The following ABCC8 variants were observed in gnomAD, a reference collection of about 807,000 sequenced individuals.
ABCC8 encodes ATP-binding cassette sub-family C member 8.
A neutral mutation model predicts 188.0 loss-of-function variants in ABCC8; 137 were observed. The observed-to-expected ratio is 0.73, with a 90% confidence interval of 0.63 to 0.84. The LOEUF is 0.84. Among genes scored for constraint, ABCC8 ranks in the 40% least tolerant of loss-of-function variants. The pLI, the probability that ABCC8 is intolerant of heterozygous loss-of-function variation, is 0.00. For synonymous variants in ABCC8, 797 were observed against 846.5 expected, an observed-to-expected ratio of 0.94 and a Z score of 1.01; for missense variants, 1,750 against 2,072.7, an observed-to-expected ratio of 0.84 and a Z score of 3.02.
intron 7 of ABCC8, among the ~76,000 whole-genome samples, chr11:17,450,410 T>C (rs557167544): frequency 6.8e-6 from 1 of 146,684 alleles, no homozygotes; most frequent in African/African-American, 2.5e-5. Context: ...TTCCTTTTTT[T>C]TTTTTTCAGA....
chr11:17,452,085 A>G (rs556887638), intron 7 of ABCC8, among the ~76,000 whole-genome samples: 24 of 152,328 alleles, frequency 1.6e-4, no homozygotes, highest in African/African-American at 5.5e-4. Flanking sequence ...ACAAACTTCT[A>G]TCCCATTTAA....
intron 31 of ABCC8, 130 bp downstream of exon 31, chr11:17,397,554 C>G (rs1954005361): frequency 3.5e-6 from 5 of 1,438,620 alleles, no homozygotes; most frequent in South Asian, 1.2e-5. Flanking sequence ...CCTGCCCGCA[C>G]TGTCCCTCTG....
intron 22 of ABCC8, among the ~76,000 whole-genome samples, chr11:17,409,170 T>G (rs1284155151): frequency 6.6e-6 from 1 of 151,724 alleles, no homozygotes; most frequent in Admixed American, 6.6e-5. Flanking sequence ...TGCCCCAAGC[T>G]GGTCTCGAAC....
Position 17,405,420 on chromosome 11 carries a change from C to A in ABCC8, c.3399+74G>T. The A allele has an allele frequency of 2.5e-6, 4 of 1,606,246 alleles. No individual in the cohort carries two copies. The South Asian group carries it at 3.3e-5, about 13-fold the overall frequency. On this transcript the variant is annotated intron_variant, in intron 27 of 38. Transcript: ENST00000389817. ...TGATCACCTGATCTGGGGAACCCAG[C>A]CTCAGACAGGAGAAGCCCCCAGGGG...
intron 16 of ABCC8, among the ~76,000 whole-genome samples, chr11:17,418,685 C>A (rs553397597): frequency 6.6e-6 from 1 of 152,236 alleles, no homozygotes; most frequent in South Asian, 2.1e-4. Flanking sequence ...GCTCTCCAGG[C>A]CCTAACTCAG....
chr11:17,464,002 A>G (rs894795101), intron 3 of ABCC8, among the ~76,000 whole-genome samples: 1 of 152,154 alleles, frequency 6.6e-6, no homozygotes, highest in East Asian at 1.9e-4. Context: ...GTCACCCCCA[A>G]TTTCTCAGAC....
At chr11:17,456,685 C>G (rs986493525) in intron 6 of ABCC8, among the ~76,000 whole-genome samples, 4 of 152,190 alleles carry the variant, frequency 2.6e-5, no homozygotes, top group African/African-American at 9.7e-5. Flanking sequence ...CCTGACTCAT[C>G]ATATATTAGC....
At chr11:17,419,860 C>T (rs1473971522) in intron 16 of ABCC8, among the ~76,000 whole-genome samples, 2 of 152,172 alleles carry the variant, frequency 1.3e-5, no homozygotes, top group East Asian at 1.9e-4. Flanking sequence ...CACTCATTGG[C>T]TGTGAAATCT....
At chr11:17,407,547 T>G in intron 23 of ABCC8, 94 bp from the exon 24 acceptor site, 1 of 1,579,984 alleles carries the variant, frequency 6.3e-7, no homozygotes, top group Non-Finnish European at 8.6e-7. Context: ...TGATGACCAA[T>G]GTCAGATTTC....
intron 2 of ABCC8, among the ~76,000 whole-genome samples, chr11:17,471,584 C>T (rs1043786855): frequency 6.6e-6 from 1 of 152,238 alleles, no homozygotes; most frequent in Non-Finnish European, 1.5e-5. Context: ...ATTCCATACT[C>T]CTTTGCCAGT....
chr11:17,428,526 G>A, intron 13 of ABCC8, 39 bp downstream of exon 13: 1 of 1,612,654 alleles, frequency 6.2e-7, no homozygotes, highest in Non-Finnish European at 8.5e-7. Flanking sequence ...GGCCTTAGAG[G>A]ACCATGCTGG....
intron 10 of ABCC8, among the ~76,000 whole-genome samples, chr11:17,439,782 C>T (rs2237980): frequency 6.6e-6 from 1 of 152,064 alleles, no homozygotes. Context: ...GACTTGGACA[C>T]GTGAGGAGTC....
In ABCC8 at chr11:17,418,399, C is replaced by T. The variant is rs368899796; in HGVS notation, c.2223-1437G>A. ...TGAAGATTCTGATGGGTATGTAGTC[C>T]CCAGTCCCCTCTTTTCCTGTTCTCT... On this transcript the variant is annotated intron_variant, in intron 16 of 38. Transcript: ENST00000389817. Among the ~76,000 whole-genome samples the T allele has an allele frequency of 2.0e-5, 3 of 152,212 alleles. No homozygotes were observed. In the East Asian group the frequency reaches 5.8e-4, roughly 29 times the overall value.
At chr11:17,432,948 C>T (rs747861128) in intron 10 of ABCC8, among the ~76,000 whole-genome samples, 15 of 152,276 alleles carry the variant, frequency 9.9e-5, no homozygotes, top group South Asian at 4.1e-4. Context: ...TTACCTTCCC[C>T]GTGCCTCAGT....
chr11:17,405,637 A>C, intron 26 of ABCC8, 74 bp from the exon 27 acceptor site: 7 of 1,611,926 alleles, frequency 4.3e-6, no homozygotes, highest in Non-Finnish European at 5.9e-6. Context: ...GAGATAGTTA[A>C]TTATTTCATG....
chr11:17,434,329 A>G (rs1377512102), intron 10 of ABCC8, among the ~76,000 whole-genome samples: 1 of 152,254 alleles, frequency 6.6e-6, no homozygotes, highest in African/African-American at 2.4e-5. Flanking sequence ...AAATTGCTAC[A>G]ACGCTCTTGG....
chr11:17,435,012 T>TGTGTGC (rs1554928952), intron 10 of ABCC8, among the ~76,000 whole-genome samples: 102 of 152,026 alleles, frequency 6.7e-4, no homozygotes, highest in African/African-American at 2.3e-3. Flanking sequence ...TGTGTGTGTG[T>TGTGTGC]GTGTGTTTTG....
At chr11:17,470,292 G>C in intron 2 of ABCC8, 70 bp from the exon 3 acceptor site, 1 of 1,607,846 alleles carries the variant, frequency 6.2e-7, no homozygotes, top group Non-Finnish European at 8.5e-7. Flanking sequence ...CCCAGGCCTT[G>C]AATTTCAAAG....
intron 21 of ABCC8, 143 bp from the exon 22 acceptor site, chr11:17,410,796 A>C: frequency 1.5e-5 from 20 of 1,355,544 alleles, no homozygotes; most frequent in Non-Finnish European, 2.0e-5. Flanking sequence ...TGGACAACTC[A>C]CCCAACCTCT....
Sources: gnomAD v4.1 joint callset for allele counts (sites outside exome capture counted in the v4.1 genomes callset) on GRCh38, gnomAD v4.1.1 for gene constraint, MANE v1.5 for transcripts, NCBI Gene and HGNC (gene_info 2026-07-23, HGNC 2026-07-21) for gene names.